Variants in IL1RAPL1 observed in about 807,000 individuals in gnomAD.
IL1RAPL1 encodes the protein interleukin-1 receptor accessory protein-like 1.
Under a neutral mutation model 48.4 loss-of-function variants are expected in IL1RAPL1, and 3 were observed. The ratio of observed to expected loss-of-function variants is 0.06; its 90% CI spans 0.03 to 0.16. The LOEUF is 0.16. Among genes scored for constraint, IL1RAPL1 ranks in the 10% least tolerant of loss-of-function variants. IL1RAPL1 has a pLI of 1.00. For synonymous variants in IL1RAPL1, 185 were observed against 187.7 expected (o/e 0.99, Z 0.12); for missense variants, 349 against 530.6 (o/e 0.66, Z 3.36).
At chrX:28,892,857 G>A (rs1490003024) in intron 2 of IL1RAPL1, among the ~76,000 whole-genome samples, 1 of 111,396 alleles carries the variant, frequency 9.0e-6, no homozygotes, top group African/African-American at 3.3e-5. Flanking sequence ...AAAACTAAAT[G>A]GAATAAGAGA....
chrX:29,351,642 C>A (rs937450123), intron 3 of IL1RAPL1, among the ~76,000 whole-genome samples: 3 of 111,901 alleles, frequency 2.7e-5, no homozygotes, highest in African/African-American at 9.8e-5. Flanking sequence ...ACATGGTAAG[C>A]CTTCTAATGT....
intron 2 of IL1RAPL1, among the ~76,000 whole-genome samples, chrX:29,182,681 C>T (rs5943607): frequency 0.32 from 34,698 of 108,679 alleles, 4,183 homozygotes; most frequent in East Asian, 0.56. Context: ...TATGACAAAA[C>T]TTGTAACATA....
chrX:29,786,648 A>AAAGTCT (rs1690282220), intron 6 of IL1RAPL1, among the ~76,000 whole-genome samples: 1 of 111,922 alleles, frequency 8.9e-6, no homozygotes, highest in Non-Finnish European at 1.9e-5. Context: ...AAGAAGTAGC[A>AAAGTCT]AATAAGCTCG....
At chrX:29,676,717 G>A (rs1926297212) in intron 6 of IL1RAPL1, among the ~76,000 whole-genome samples, 1 of 110,740 alleles carries the variant, frequency 9.0e-6, no homozygotes, top group Non-Finnish European at 1.9e-5. Context: ...TGTAAACAGA[G>A]GAAATTCAGG....
chrX:28,989,295 T>C (rs1257641859), intron 2 of IL1RAPL1, among the ~76,000 whole-genome samples: 1 of 112,601 alleles, frequency 8.9e-6, no homozygotes, highest in African/African-American at 3.2e-5. Flanking sequence ...TGGAAGCCAA[T>C]GCTTCTCACT....
intron 1 of IL1RAPL1, among the ~76,000 whole-genome samples, chrX:28,667,865 A>C (rs1365369637): frequency 3.6e-5 from 4 of 111,284 alleles, no homozygotes; most frequent in Non-Finnish European, 7.5e-5. Flanking sequence ...TAAGGGCACT[A>C]ATCCCATTCA....
chrX:29,586,790 C>G (rs1461803097), intron 5 of IL1RAPL1, among the ~76,000 whole-genome samples: 2 of 110,620 alleles, frequency 1.8e-5, no homozygotes, highest in South Asian at 3.8e-4. Context: ...GTTTTTGGTG[C>G]TAATGTAAAT....
chrX:28,590,812 A>G (rs1387687028), intron 1 of IL1RAPL1, among the ~76,000 whole-genome samples: 1 of 112,284 alleles, frequency 8.9e-6, no homozygotes, highest in East Asian at 2.8e-4. Context: ...GATGGAAATA[A>G]TAGCAGGATG....
chrX:29,321,242 A>G (rs1932801688), intron 3 of IL1RAPL1, among the ~76,000 whole-genome samples: 1 of 111,715 alleles, frequency 9.0e-6, no homozygotes, highest in Non-Finnish European at 1.9e-5. Flanking sequence ...TGTTCTTTCT[A>G]AAAGGTAGAG....
intron 3 of IL1RAPL1, among the ~76,000 whole-genome samples, chrX:29,331,838 T>C (rs1225284219): frequency 9.0e-6 from 1 of 111,457 alleles, no homozygotes; most frequent in Non-Finnish European, 1.9e-5. Context: ...TTTTTGACTT[T>C]AGGAAAGTAA....
At chrX:29,760,459 C>A (rs1928728328) in intron 6 of IL1RAPL1, among the ~76,000 whole-genome samples, 1 of 111,520 alleles carries the variant, frequency 9.0e-6, no homozygotes, top group Non-Finnish European at 1.9e-5. Flanking sequence ...ACAGTTATTT[C>A]AAAATAAAAA....
intron 1 of IL1RAPL1, among the ~76,000 whole-genome samples, chrX:28,669,679 TATA>T (rs1443176016): frequency 3.7e-4 from 38 of 102,934 alleles, no homozygotes; most frequent in Non-Finnish European, 5.4e-4. Flanking sequence ...TAATTTATAA[TATA>T]ATATAATTTT....
intron 6 of IL1RAPL1, among the ~76,000 whole-genome samples, chrX:29,864,146 C>T (rs1931647115): frequency 8.9e-6 from 1 of 112,498 alleles, no homozygotes; most frequent in Non-Finnish European, 1.9e-5. Flanking sequence ...TAACAAGTTT[C>T]CAGATGATCT....
At chrX:29,008,218 G>A (rs1286803464) in intron 2 of IL1RAPL1, among the ~76,000 whole-genome samples, 1 of 109,508 alleles carries the variant, frequency 9.1e-6, no homozygotes, top group East Asian at 2.9e-4. Flanking sequence ...CGCCCAGGCT[G>A]GAGTGCAGTG....
chrX:28,985,528 T>C (rs1925443538), intron 2 of IL1RAPL1, among the ~76,000 whole-genome samples: 1 of 112,506 alleles, frequency 8.9e-6, no homozygotes, highest in African/African-American at 3.2e-5. Context: ...TTAAATGGTC[T>C]TTGGTAAACC....
chrX:29,319,465 A>G (rs1242449122), intron 3 of IL1RAPL1, among the ~76,000 whole-genome samples: 1 of 97,544 alleles, frequency 1.0e-5, no homozygotes, highest in Non-Finnish European at 2.0e-5. Context: ...CAGCCTCCCA[A>G]AGTGCTGGGA....
chrX:29,772,768 A>G (rs1929099075), intron 6 of IL1RAPL1, among the ~76,000 whole-genome samples: 1 of 111,825 alleles, frequency 8.9e-6, no homozygotes, highest in Non-Finnish European at 1.9e-5. Context: ...TTAGCCTTTG[A>G]TAAGTAAGCG....
chrX:28,912,028 T>G (rs755061755), intron 2 of IL1RAPL1, among the ~76,000 whole-genome samples: 7 of 102,207 alleles, frequency 6.8e-5, no homozygotes, highest in Non-Finnish European at 1.2e-4. Context: ...ACATACGAGA[T>G]GGTAGCATTG....
chrX:29,931,466 TTCAG>T (rs1347678730), intron 8 of IL1RAPL1, among the ~76,000 whole-genome samples: 6 of 111,476 alleles, frequency 5.4e-5, no homozygotes, highest in African/African-American at 1.3e-4. Flanking sequence ...TTCTAATGCT[TTCAG>T]TAAGTCAGAA....
Sources: allele counts gnomAD v4.1 joint callset (sites outside exome capture counted in the v4.1 genomes callset), GRCh38; gene constraint gnomAD v4.1.1; transcripts MANE v1.5; gene names NCBI Gene and HGNC (gene_info 2026-07-23, HGNC 2026-07-21).